TDRD12: variants seen among roughly 807,000 people sequenced by gnomAD.
TDRD12 encodes the protein tudor domain containing 12, also known as putative ATP-dependent RNA helicase TDRD12.
A neutral mutation model predicts 133.5 loss-of-function variants in TDRD12; 158 were observed. The ratio of observed to expected loss-of-function variants is 1.18; its 90% CI spans 1.04 to 1.35. TDRD12 has a LOEUF of 1.35. Ranked by LOEUF, TDRD12 falls within the 40% of genes most tolerant of loss-of-function variation. The pLI, the probability that TDRD12 is intolerant of heterozygous loss-of-function variation, is 0.00. For missense variants in TDRD12, 1,443 were observed against 1,321.3 expected, an observed-to-expected ratio of 1.09 and a Z score of -1.43; for synonymous variants, 460 against 477.9, an observed-to-expected ratio of 0.96 and a Z score of 0.49.
intron 21 of TDRD12, among the ~76,000 whole-genome samples, chr19:32,807,293 A>AAAAAAAAAG (rs1568490469): frequency 6.9e-6 from 1 of 144,644 alleles, no homozygotes; most frequent in African/African-American, 2.5e-5. Context: ...AAAAAAAAAA[A>AAAAAAAAAG]AAAGAAAGTT....
intron 2 of TDRD12, among the ~76,000 whole-genome samples, chr19:32,734,647 A>G (rs1969171050): frequency 6.6e-6 from 1 of 152,154 alleles, no homozygotes; most frequent in Non-Finnish European, 1.5e-5. Flanking sequence ...CGCTGGGATT[A>G]CAGGCATGAA....
At chr19:32,737,306 G>A (rs568456313) in intron 2 of TDRD12, among the ~76,000 whole-genome samples, 2 of 152,008 alleles carry the variant, frequency 1.3e-5, no homozygotes, top group East Asian at 1.9e-4. Flanking sequence ...CCTGGCTCAA[G>A]TGATCCTCCT....
At chr19:32,756,747 A>G (rs1350004649) in intron 7 of TDRD12, among the ~76,000 whole-genome samples, 1 of 152,210 alleles carries the variant, frequency 6.6e-6, no homozygotes, top group Admixed American at 6.5e-5. Flanking sequence ...ATTTAGAGAT[A>G]CTAAGAAAAC....
chr19:32,743,692 C>T (rs1168012369), intron 4 of TDRD12, among the ~76,000 whole-genome samples: 3 of 151,238 alleles, frequency 2.0e-5, no homozygotes, highest in African/African-American at 4.9e-5. Context: ...GAGCTTTTAA[C>T]GAAAATTAGA....
intron 3 of TDRD12, among the ~76,000 whole-genome samples, chr19:32,739,857 G>GCA (rs1969355319): frequency 4.4e-5 from 5 of 114,044 alleles, no homozygotes; most frequent in Non-Finnish European, 6.9e-5. Flanking sequence ...CTCCTGGTGT[G>GCA]CTCTCTGCAT....
At chr19:32,771,023 A>G (rs1429479771) in intron 8 of TDRD12, among the ~76,000 whole-genome samples, 1 of 152,164 alleles carries the variant, frequency 6.6e-6, no homozygotes, top group East Asian at 1.9e-4. Context: ...TTTGGCTCAC[A>G]GTTGTGCAAG....
intron 1 of TDRD12, among the ~76,000 whole-genome samples, chr19:32,729,814 G>A (rs1968990087): frequency 2.0e-5 from 2 of 100,740 alleles, no homozygotes; most frequent in Middle Eastern, 9.6e-3. Context: ...TTTGTGAGAT[G>A]GAGTCTTGCT....
chr19:32,742,712 G>A (rs558933486), intron 3 of TDRD12, 69 bp from the exon 4 acceptor site: 3 of 1,411,656 alleles, frequency 2.1e-6, no homozygotes, highest in East Asian at 5.0e-5. Flanking sequence ...AATAAAATAG[G>A]TATACTTTAA....
At chr19:32,741,651 A>T (rs1969430460) in intron 3 of TDRD12, among the ~76,000 whole-genome samples, 1 of 152,204 alleles carries the variant, frequency 6.6e-6, no homozygotes, top group African/African-American at 2.4e-5. Flanking sequence ...GGGTGCAGCC[A>T]CCTTTCCCTA....
In TDRD12 at chr19:32,817,803, C is replaced by T. The variant is rs118133365; in HGVS notation, c.3315-286C>T. Among the ~76,000 whole-genome samples the T allele has an allele frequency of 7.6e-4, 115 of 150,914 alleles. 1 individual carries two copies. The East Asian group carries it at 0.016, about 22-fold the overall frequency. ...ACTCCAGGTCTCTTCAGGGCTCTTCCGGGCGTGCCTCTGTGCGCTTGTGCA... is the reference window on the plus strand; with the variant it reads ...ACTCCAGGTCTCTTCAGGGCTCTTCTGGGCGTGCCTCTGTGCGCTTGTGCA... On this transcript the variant is annotated intron_variant, in intron 26 of 27. Coordinates refer to ENST00000444215, the Ensembl canonical transcript of TDRD12.
At chr19:32,721,511 G>C (rs952835236) in intron 1 of TDRD12, among the ~76,000 whole-genome samples, 1 of 144,488 alleles carries the variant, frequency 6.9e-6, no homozygotes, top group African/African-American at 2.6e-5. Flanking sequence ...TCAGCCTCCC[G>C]AGTAGCTGGG....
chr19:32,797,630 C>T, intron 14 of TDRD12, 105 bp from the exon 15 acceptor site: 1 of 543,644 alleles, frequency 1.8e-6, no homozygotes, highest in Non-Finnish European at 3.3e-6. Context: ...ATAGCAGAAA[C>T]TTACGGGGTG....
intron 8 of TDRD12, among the ~76,000 whole-genome samples, chr19:32,757,925 G>A (rs1005694408): frequency 1.3e-5 from 2 of 152,106 alleles, no homozygotes; most frequent in Non-Finnish European, 2.9e-5. Context: ...AATTACTTTG[G>A]TAATGTTGCT....
chr19:32,724,705 CAG>C (rs1968803692), intron 1 of TDRD12, among the ~76,000 whole-genome samples: 1 of 152,112 alleles, frequency 6.6e-6, no homozygotes, highest in Non-Finnish European at 1.5e-5. Context: ...GTCTTTATAA[CAG>C]AATGATTGAT....
intron 7 of TDRD12, among the ~76,000 whole-genome samples, 172 bp from the exon 8 acceptor site, chr19:32,756,866 T>G (rs1490802633): frequency 1.3e-5 from 2 of 152,212 alleles, no homozygotes; most frequent in Non-Finnish European, 2.9e-5. Flanking sequence ...GGAAATAATT[T>G]CCAATGTTTC....
At position 32,826,665 on chromosome 19, in the gene TDRD12, A is replaced by G. The variant is rs1193644797; in HGVS notation, c.1049+67A>G. ...GTGTCATATTCACGCGCTCACTGTCAGCTGTTCTCTTGAACAGAACCCCAA... is the reference window on the plus strand; with the variant it reads ...GTGTCATATTCACGCGCTCACTGTCGGCTGTTCTCTTGAACAGAACCCCAA... On this transcript the variant is annotated intron_variant, in intron 9 of 9. Transcript: ENST00000637289. The G allele has an allele frequency of 6.5e-6, 8 of 1,223,936 alleles. No homozygotes were observed. Among genetic ancestry groups the G allele is most frequent in the Non-Finnish European group, 8.1e-6 (8 of 983,834 alleles). 75.8% of individuals were successfully genotyped at this position (1,223,936 alleles called of 1,614,324 possible). A position where few individuals can be genotyped will look rare whatever the true frequency, so the allele number is the denominator to read the frequency against.
chr19:32,754,867 G>A (rs983569038), intron 6 of TDRD12, among the ~76,000 whole-genome samples: 1 of 151,910 alleles, frequency 6.6e-6, no homozygotes, highest in Non-Finnish European at 1.5e-5. Context: ...AGTAGAGACG[G>A]GGTTTCTCCA....
At chr19:32,775,562 A>G (rs1568470883) in intron 10 of TDRD12, among the ~76,000 whole-genome samples, 1 of 152,116 alleles carries the variant, frequency 6.6e-6, no homozygotes, top group Non-Finnish European at 1.5e-5. Flanking sequence ...CCAACTCCTG[A>G]GACCAAGTGA....
At chr19:32,728,447 T>C (rs147793487) in intron 1 of TDRD12, among the ~76,000 whole-genome samples, 7 of 152,256 alleles carry the variant, frequency 4.6e-5, no homozygotes, top group African/African-American at 1.7e-4. Context: ...AGCAGCGTTT[T>C]ATAATTTTCA....
Sources: gnomAD v4.1 joint callset for allele counts (sites outside exome capture counted in the v4.1 genomes callset) on GRCh38, gnomAD v4.1.1 for gene constraint, MANE v1.5 for transcripts, NCBI Gene and HGNC (gene_info 2026-07-23, HGNC 2026-07-21) for gene names.